The following DNTT variants were observed in gnomAD, a reference collection of about 807,000 sequenced individuals.
DNTT encodes the protein nucleosidetriphosphate:DNA deoxynucleotidylexotransferase.
Under a neutral mutation model 60.9 loss-of-function variants are expected in DNTT, and 47 were observed. The observed-to-expected ratio is 0.77, with a 90% CI of 0.61 to 0.98. DNTT has a LOEUF of 0.98. Ranked by LOEUF, DNTT falls within the 50% of genes least tolerant of loss-of-function variation. The pLI is 0.00. For synonymous variants in DNTT, 224 were observed against 221.2 expected (o/e 1.01, Z -0.11); for missense variants, 665 against 627.5 (o/e 1.06, Z -0.64).
chr10:96,333,487 A>G (rs1016927011), intron 9 of DNTT, among the ~76,000 whole-genome samples: 9 of 152,276 alleles, frequency 5.9e-5, no homozygotes, highest in African/African-American at 2.2e-4. Context: ...AAATGAACTC[A>G]GTATGTCAAA....
At chr10:96,316,838 T>C (rs977485885) in intron 1 of DNTT, among the ~76,000 whole-genome samples, 3 of 152,222 alleles carry the variant, frequency 2.0e-5, no homozygotes, top group African/African-American at 7.2e-5. Flanking sequence ...TGTAACATAC[T>C]AGTGTCTAGT....
chr10:96,313,267 G>A lies in DNTT; in HGVS notation c.204-5085G>A, dbSNP rs115585564. ...ATCTCTGAGGTTGAGGTTGGCTGCC[G>A]GAGGGTTTCTGTCACCTTTTATTAT... On this transcript the variant is annotated intron_variant, in intron 1 of 10. Transcript: ENST00000371174. Among the ~76,000 whole-genome samples, 963 of 152,154 alleles carry A rather than the reference G, an allele frequency of 6.3e-3. 7 individuals are homozygous for A. Among genetic ancestry groups the A allele is most frequent in the African/African-American group, 0.021 (868 of 41,504 alleles).
In DNTT at chr10:96,314,737, G is replaced by C. The variant is rs200777185; in HGVS notation, c.204-3615G>C. On this transcript the variant is annotated intron_variant, in intron 1 of 10. Coordinates refer to ENST00000371174, the MANE Select transcript of DNTT (RefSeq NM_004088.4). ...TCTCTTCCCATTTTTAGATGGGGAT[G>C]ATCATATCTATCTCATGGCATTATT... Among the ~76,000 whole-genome samples, 5 of 152,044 alleles carry C rather than the reference G, an allele frequency of 3.3e-5. No individual in the cohort carries two copies. The East Asian group carries it at 7.7e-4, about 23-fold the overall frequency.
chr10:96,305,119 C>T (rs1021642837), intron 1 of DNTT, among the ~76,000 whole-genome samples: 2 of 152,196 alleles, frequency 1.3e-5, no homozygotes, highest in Non-Finnish European at 2.9e-5. Flanking sequence ...CTTACCTATA[C>T]ATCTGGGCGT....
intron 9 of DNTT, among the ~76,000 whole-genome samples, chr10:96,334,308 A>T (rs1480139328): frequency 6.6e-6 from 1 of 152,160 alleles, no homozygotes; most frequent in Non-Finnish European, 1.5e-5. Context: ...TTGCAGAGAC[A>T]TTAGGTGACA....
intron 2 of DNTT, among the ~76,000 whole-genome samples, chr10:96,319,056 T>C (rs1048808040): frequency 6.6e-6 from 1 of 152,182 alleles, no homozygotes; most frequent in African/African-American, 2.4e-5. Context: ...ATTTAATTGA[T>C]AGGTCTTTTC....
At chr10:96,320,879 A>C in intron 4 of DNTT, 91 bp downstream of exon 4, 4 of 1,495,850 alleles carry the variant, frequency 2.7e-6, no homozygotes, top group East Asian at 2.3e-5. Flanking sequence ...CCTGTCAACT[A>C]TGTAGATGTG....
rs2133992310 is a variant in DNTT at position 96,327,322 on chromosome 10, C to T, written c.875-146C>T. On this transcript the variant is annotated intron_variant, in intron 6 of 10. Coordinates refer to ENST00000371174, the MANE Select transcript of DNTT (RefSeq NM_004088.4). ...TTCACAACCAGGAGAACCACATGGA[C>T]TATTCTGTCTCTGTGGGAATGGAGT... 5 of 1,220,052 alleles carry T rather than the reference C, an allele frequency of 4.1e-6. No homozygotes were observed. In the East Asian group the frequency reaches 7.0e-5, roughly 17 times the overall value. 75.6% of individuals were successfully genotyped at this position (1,220,052 alleles called of 1,614,324 possible).
intron 9 of DNTT, among the ~76,000 whole-genome samples, chr10:96,334,357 C>T (rs993276997): frequency 6.6e-6 from 1 of 152,158 alleles, no homozygotes; most frequent in Non-Finnish European, 1.5e-5. Context: ...CAGCACGTGG[C>T]CAGTACTGGA....
intron 9 of DNTT, among the ~76,000 whole-genome samples, chr10:96,333,716 A>G (rs1845033727): frequency 1.3e-5 from 2 of 152,266 alleles, no homozygotes; most frequent in South Asian, 4.1e-4. Context: ...AGTCAGGCAC[A>G]GAGAGACAAA....
At chr10:96,313,915 T>G (rs1174334357) in intron 1 of DNTT, among the ~76,000 whole-genome samples, 2 of 152,164 alleles carry the variant, frequency 1.3e-5, no homozygotes, top group African/African-American at 2.4e-5. Context: ...GGGCTCCCCC[T>G]TGACACGTCC....
chr10:96,316,327 CACACTT>C (rs1278315306), intron 1 of DNTT, among the ~76,000 whole-genome samples: 5 of 152,180 alleles, frequency 3.3e-5, no homozygotes, highest in African/African-American at 1.2e-4. Context: ...AAAATCATCT[CACACTT>C]ACACAATCAT....
chr10:96,316,148 C>T (rs1000391487), intron 1 of DNTT, among the ~76,000 whole-genome samples: 2 of 152,170 alleles, frequency 1.3e-5, no homozygotes, highest in Admixed American at 6.5e-5. Flanking sequence ...CCCCTTCCCC[C>T]AAAGAGACGC....
rs572615047 is a variant in DNTT at position 96,320,549 on chromosome 10, C to G, written c.508-69C>G. The G allele has an allele frequency of 1.5e-4, 240 of 1,549,658 alleles. No homozygotes were observed. In the African/African-American group the frequency reaches 3.0e-3, roughly 20 times the overall value. ...CCAATATTTAAAGGAGAGCAAGAGG[C>G]GTTTGTGAGTGACCACTGGCTCAGG... On this transcript the variant is annotated intron_variant, in intron 3 of 10. Transcript: ENST00000371174.
At chr10:96,321,832 C>T (rs917874061) in intron 4 of DNTT, among the ~76,000 whole-genome samples, 38 of 152,312 alleles carry the variant, frequency 2.5e-4, no homozygotes, top group African/African-American at 8.9e-4. Flanking sequence ...CCTACTCTAA[C>T]ATATAAATAG....
intron 1 of DNTT, among the ~76,000 whole-genome samples, chr10:96,307,779 T>TATA (rs560927751): frequency 5.5e-4 from 77 of 139,828 alleles, no homozygotes; most frequent in African/African-American, 2.1e-3. Flanking sequence ...ATATATATAT[T>TATA]TTTTTTTTTT....
Position 96,335,919 on chromosome 10 carries a change from C to A in DNTT, c.1388C>A (p.Ala463Asp). The A allele has an allele frequency of 1.2e-6, 2 of 1,614,172 alleles. No individual in the cohort carries two copies. Among genetic ancestry groups the A allele is most frequent in the South Asian group, 1.1e-5 (1 of 91,078 alleles). Residue 463 changes from alanine (A) to aspartate (D), a missense_variant, in exon 10 of 11, where the codon GCC becomes GAC. Coordinates refer to ENST00000371174, the MANE Select transcript of DNTT (RefSeq NM_004088.4). Reference protein sequence around the residue: ...RQFERDLRRYATHERKMILDN... With the variant: ...RQFERDLRRYDTHERKMILDN... The stretch of plus-strand genomic sequence containing the variant: ...TTTGAGAGAGACCTCCGGCGCTATG[C>A]CACACATGAGCGGAAGATGATTCTG...
At chr10:96,321,670 T>C (rs896374275) in intron 4 of DNTT, among the ~76,000 whole-genome samples, 3 of 152,148 alleles carry the variant, frequency 2.0e-5, no homozygotes, top group Non-Finnish European at 4.4e-5. Flanking sequence ...TGCCAGACCA[T>C]CACGGAATTG....
rs78333697 is a variant in DNTT, at chr10:96,315,309, C to G, written c.204-3043C>G. 4.6e-3 allele frequency among the ~76,000 whole-genome samples: 694 copies of G among 151,174 alleles called. 7 individuals carry two copies. The highest frequency in any genetic ancestry group is 0.016 in the African/African-American group (641 of 41,104). ...TACAATTAAAGTTTCTAAATGCTGACTTACAATTTCTGAACTTACCTTGTT... is the reference window on the plus strand; with the variant it reads ...TACAATTAAAGTTTCTAAATGCTGAGTTACAATTTCTGAACTTACCTTGTT... On this transcript the variant is annotated intron_variant, in intron 1 of 10. Transcript: ENST00000371174.
Sources: allele counts gnomAD v4.1 joint callset (sites outside exome capture counted in the v4.1 genomes callset), GRCh38; gene constraint gnomAD v4.1.1; transcripts MANE v1.5; gene names NCBI Gene and HGNC (gene_info 2026-07-23, HGNC 2026-07-21).